Variants in NEDD4L observed in about 807,000 individuals in gnomAD.
The protein encoded by NEDD4L is E3 ubiquitin-protein ligase NEDD4-like.
Under a neutral mutation model 148.9 loss-of-function variants are expected in NEDD4L, and 54 were observed. The ratio of observed to expected loss-of-function variants is 0.36; its 90% CI spans 0.29 to 0.45. The LOEUF is 0.45. Ranked by LOEUF, NEDD4L falls within the 20% of genes least tolerant of loss-of-function variation. NEDD4L has a pLI of 1.00. For synonymous variants in NEDD4L, 433 were observed against 440.7 expected (o/e 0.98, Z 0.22); for missense variants, 856 against 1,233.8 (o/e 0.69, Z 4.59).
intron 27 of NEDD4L, chr18:58,388,746 A>G (rs1296219551): frequency 8.3e-6 from 2 of 240,778 alleles, no homozygotes; most frequent in Non-Finnish European, 1.6e-5. Context: ...AGAAGCAGCC[A>G]GGGTAATGCA....
intron 1 of NEDD4L, among the ~76,000 whole-genome samples, chr18:58,059,641 A>G (rs2082239259): frequency 6.6e-6 from 1 of 152,188 alleles, no homozygotes; most frequent in African/African-American, 2.4e-5. Context: ...CATCCTGTCC[A>G]TGAAGTTGTC....
At chr18:58,282,339 A>T (rs570182421) in intron 5 of NEDD4L, among the ~76,000 whole-genome samples, 1 of 152,248 alleles carries the variant, frequency 6.6e-6, no homozygotes, top group African/African-American at 2.4e-5. Flanking sequence ...GAGGGATCGA[A>T]TTACTCCTCA....
In NEDD4L at chr18:58,390,559, T is replaced by C. The variant is rs2049674782; in HGVS notation, c.2656-87T>C. 6.2e-6 allele frequency: 5 copies of C among 812,772 alleles called. No homozygotes were observed. The South Asian group carries it at 7.7e-5, about 13-fold the overall frequency. The allele number at this position is 812,772 out of a possible 1,614,324, so 50.3% of individuals were successfully genotyped here. The stretch of plus-strand genomic sequence containing the variant: ...TCTAGGTCTTACATTGCAATATAAA[T>C]AAGATTAAGTTCTGCCTGCCTGCAT... On this transcript the variant is annotated intron_variant, in intron 28 of 30. Transcript: ENST00000400345.
At chr18:58,356,422 TAC>T (rs1383297114) in intron 18 of NEDD4L, among the ~76,000 whole-genome samples, 1 of 151,982 alleles carries the variant, frequency 6.6e-6, no homozygotes, top group African/African-American at 2.4e-5. Flanking sequence ...TCCACCCTAG[TAC>T]ACACACAGGA....
chr18:58,206,577 G>A (rs992844814), intron 2 of NEDD4L, among the ~76,000 whole-genome samples: 3 of 152,210 alleles, frequency 2.0e-5, no homozygotes, highest in Non-Finnish European at 4.4e-5. Flanking sequence ...AGGACAGCCT[G>A]CTGCTTAAGG....
chr18:58,255,380 G>A (rs2048389532), intron 5 of NEDD4L: 1 of 511,590 alleles, frequency 2.0e-6, no homozygotes, highest in Middle Eastern at 5.9e-4. Context: ...CATTGGAGGG[G>A]GAGAGCGCGG....
At position 58,329,047 on chromosome 18, in the gene NEDD4L, G is replaced by T. The variant is rs2059566779; in HGVS notation, c.733G>T (p.Ala245Ser). 6.2e-7 allele frequency: 1 copy of T among 1,613,928 alleles called. No individual in the cohort carries two copies. The highest frequency in any genetic ancestry group is 1.7e-5 in the Admixed American group (1 of 60,010). ...NNIRQINQEAAHRRFRSRRHI... is the reference protein window; with the variant it reads ...NNIRQINQEASHRRFRSRRHI... ...CATCAGACAGATCAACCAGGAGGCA[G>T]CACACCGGCGCTTCCGCTCCCGCAG... is the stretch of plus-strand genomic sequence containing the variant. Residue 245 changes from alanine to serine, a missense_variant, in exon 10 of 31, where the codon GCA (alanine) becomes TCA (serine). By Grantham distance (99) the Ala-to-Ser change is moderately conservative. Coordinates refer to ENST00000400345, the MANE Select transcript of NEDD4L (RefSeq NM_001144967.3).
Position 58,095,431 on chromosome 18 carries a change from A to G in NEDD4L, c.48+50723A>G, listed in dbSNP as rs546890169. Among the ~76,000 whole-genome samples the G allele has an allele frequency of 2.6e-5, 4 of 152,096 alleles. No individual in the cohort carries two copies. The South Asian group carries it at 8.3e-4, about 32-fold the overall frequency. The stretch of plus-strand genomic sequence containing the variant: ...GAGGGAGTGGCAAAAGCTGCTGCTT[A>G]AAGTCGTTGCTCCCACCGCGTGGGG... On this transcript the variant is annotated intron_variant, in intron 1 of 30. Coordinates refer to ENST00000400345, the MANE Select transcript of NEDD4L (RefSeq NM_001144967.3).
intron 2 of NEDD4L, among the ~76,000 whole-genome samples, chr18:58,193,551 A>G (rs2040345190): frequency 1.3e-5 from 2 of 152,188 alleles, no homozygotes; most frequent in Admixed American, 1.3e-4. Flanking sequence ...CAACTTACAC[A>G]CACCACTTAA....
intron 1 of NEDD4L, among the ~76,000 whole-genome samples, chr18:58,089,724 A>G (rs2083958386): frequency 6.6e-6 from 1 of 152,220 alleles, no homozygotes. Context: ...TCTACAGGCC[A>G]GAAGCCTAAG....
chr18:58,105,243 A>G (rs1198013414), intron 1 of NEDD4L, among the ~76,000 whole-genome samples: 1 of 152,210 alleles, frequency 6.6e-6, no homozygotes, highest in African/African-American at 2.4e-5. Context: ...CCTGAAGCCC[A>G]GAAACGCATA....
At chr18:58,143,420 T>A (rs1670858579) in intron 1 of NEDD4L, among the ~76,000 whole-genome samples, 1 of 152,234 alleles carries the variant, frequency 6.6e-6, no homozygotes, top group African/African-American at 2.4e-5. Context: ...TTCTCATAAG[T>A]ATCTTTGAAA....
At chr18:58,297,522 T>C (rs1252542377) in intron 5 of NEDD4L, among the ~76,000 whole-genome samples, 1 of 152,178 alleles carries the variant, frequency 6.6e-6, no homozygotes, top group Non-Finnish European at 1.5e-5. Flanking sequence ...AAAGGTCGTG[T>C]TTGATCCTGA....
intron 5 of NEDD4L, among the ~76,000 whole-genome samples, chr18:58,285,328 T>TGC (rs1312125277): frequency 6.6e-6 from 1 of 150,662 alleles, no homozygotes; most frequent in African/African-American, 2.4e-5. Flanking sequence ...TGTGTGTGGG[T>TGC]GTGTGTGTGT....
rs769198983 is a variant in NEDD4L, at chr18:58,351,028, C to T, written c.1691C>T (p.Thr564Met). 4.4e-6 allele frequency: 7 copies of T among 1,594,496 alleles called. No individual in the cohort carries two copies. The South Asian group carries it at 4.6e-5, about 10-fold the overall frequency. ...WEERIHLDGR[T>M]FYIDHNSKIT... ...GAAAGAATTCACTTGGATGGCCGAA[C>T]GTTTTATATTGATCATAGTAAGTAG... The change falls in exon 18 of 31, where the codon ACG becomes ATG. Residue 564 changes from threonine (T) to methionine (M), a missense_variant. Thr to Met is a moderately conservative substitution (Grantham distance 81). Around this residue, in one of 4 missense-constraint regions of NEDD4L, gnomAD observed 286 missense variants for 531.8 expected, o/e 0.54. Coordinates refer to ENST00000400345, the MANE Select transcript of NEDD4L (RefSeq NM_001144967.3).
At chr18:58,084,987 G>A (rs74255435) in intron 1 of NEDD4L, among the ~76,000 whole-genome samples, 11,556 of 152,110 alleles carry the variant, frequency 0.076, 527 homozygotes, top group East Asian at 0.17. Flanking sequence ...GAGCCACTGC[G>A]CCCAGCCTGG....
At chr18:58,285,857 T>C (rs927811159) in intron 5 of NEDD4L, among the ~76,000 whole-genome samples, 4 of 152,256 alleles carry the variant, frequency 2.6e-5, no homozygotes, top group East Asian at 1.9e-4. Flanking sequence ...TTCAACTCTT[T>C]ACCCTACAAA....
intron 2 of NEDD4L, among the ~76,000 whole-genome samples, chr18:58,236,545 G>A (rs1044486097): frequency 5.9e-5 from 9 of 152,078 alleles, no homozygotes; most frequent in Non-Finnish European, 8.8e-5. Context: ...CCTCACAGCC[G>A]TTCCTTTTCT....
In NEDD4L at chr18:58,226,275, A is replaced by T. The variant is rs1313144732; in HGVS notation, c.123-19152A>T. 3.9e-5 allele frequency among the ~76,000 whole-genome samples: 6 copies of T among 152,346 alleles called. No individual in the cohort carries two copies. In the East Asian group the frequency reaches 1.2e-3, roughly 29 times the overall value. On this transcript the variant is annotated intron_variant, in intron 2 of 30. Coordinates refer to ENST00000400345, the MANE Select transcript of NEDD4L (RefSeq NM_001144967.3). ...CCCTCTAAGAGGTATAGTAGTTTAG[A>T]CTTAGAAGTAAAGGCCTGAACTTGA...
Sources: gnomAD v4.1 joint callset for allele counts (sites outside exome capture counted in the v4.1 genomes callset) on GRCh38, gnomAD v4.1.1 for gene constraint, gnomAD v4.1.1 regional missense constraint, MANE v1.5 for transcripts, NCBI Gene and HGNC (gene_info 2026-07-23, HGNC 2026-07-21) for gene names.